The following PARD3 variants were observed in gnomAD, a reference collection of about 807,000 sequenced individuals.
PARD3 encodes par-3 family cell polarity regulator.
A neutral mutation model predicts 155.4 loss-of-function variants in PARD3; 75 were observed. The observed-to-expected ratio is 0.48, with a 90% CI of 0.40 to 0.58. The LOEUF (loss-of-function observed/expected upper bound fraction) is 0.58, where lower values mean the gene tolerates loss of function less well. PARD3 is among the 20% of genes least tolerant of loss of function. The probability of loss-of-function intolerance (pLI) is 0.00; values close to 1 mark genes in which losing one functional copy is unlikely to be tolerated. For synonymous variants in PARD3, 576 were observed against 610.5 expected, an observed-to-expected ratio of 0.94 and a Z score of 0.83; for missense variants, 1,642 against 1,721.7, an observed-to-expected ratio of 0.95 and a Z score of 0.82.
intron 22 of PARD3, among the ~76,000 whole-genome samples, chr10:34,176,991 GGGTGTGTGT>G (rs1240482067): frequency 6.6e-6 from 1 of 151,620 alleles, no homozygotes; most frequent in Non-Finnish European, 1.5e-5. Flanking sequence ...GTGTGTGTCG[GGGTGTGTGT>G]GGTGTGGTGT....
intron 1 of PARD3, among the ~76,000 whole-genome samples, chr10:34,787,006 C>T (rs1020284636): frequency 9.2e-5 from 14 of 152,112 alleles, no homozygotes; most frequent in Non-Finnish European, 8.8e-5. Flanking sequence ...GTCAAGTAAC[C>T]AGAAAACTGC....
intron 1 of PARD3, among the ~76,000 whole-genome samples, chr10:34,752,082 T>G (rs1201863069): frequency 6.6e-6 from 1 of 152,092 alleles, no homozygotes; most frequent in Admixed American, 6.5e-5. Context: ...CTTTTCTCAG[T>G]ACATGATAAT....
chr10:34,583,854 T>C (rs2087739614), intron 2 of PARD3, among the ~76,000 whole-genome samples: 2 of 152,274 alleles, frequency 1.3e-5, no homozygotes, highest in Admixed American at 1.3e-4. Flanking sequence ...GCTCCAATTT[T>C]TTTTTCCTAC....
At chr10:34,464,989 TG>T (rs2077914353) in intron 4 of PARD3, among the ~76,000 whole-genome samples, 1 of 152,180 alleles carries the variant, frequency 6.6e-6, no homozygotes, top group African/African-American at 2.4e-5. Flanking sequence ...TTACATAAAA[TG>T]GTGGACTACT....
At chr10:34,686,875 C>A (rs2093961352) in intron 2 of PARD3, among the ~76,000 whole-genome samples, 1 of 151,814 alleles carries the variant, frequency 6.6e-6, no homozygotes, top group African/African-American at 2.4e-5. Flanking sequence ...ATGGTGAAAC[C>A]CTGTCTCTAC....
intron 23 of PARD3, among the ~76,000 whole-genome samples, chr10:34,121,169 G>A (rs145624089): frequency 2.0e-5 from 3 of 152,322 alleles, no homozygotes; most frequent in African/African-American, 7.2e-5. Flanking sequence ...ATTACTGAAC[G>A]TGTATACCGC....
intron 2 of PARD3, among the ~76,000 whole-genome samples, chr10:34,693,919 C>G (rs2094115786): frequency 1.3e-5 from 2 of 152,102 alleles, no homozygotes. Context: ...CAAAAAACTA[C>G]TATTCAAGTC....
chr10:34,155,844 C>T (rs893756457), intron 22 of PARD3, among the ~76,000 whole-genome samples: 4 of 152,056 alleles, frequency 2.6e-5, no homozygotes, highest in South Asian at 2.1e-4. Context: ...TTGCTGGGAC[C>T]ACTGTATTCA....
intron 21 of PARD3, among the ~76,000 whole-genome samples, chr10:34,270,281 T>G (rs1478023671): frequency 6.6e-6 from 1 of 152,054 alleles, no homozygotes; most frequent in Admixed American, 6.5e-5. Context: ...TAGCAGGGAT[T>G]ACACGTGTGC....
At chr10:34,381,912 CAAAAAAAAAAAA>C (rs202053812) in intron 9 of PARD3, among the ~76,000 whole-genome samples, 78 of 71,878 alleles carry the variant, frequency 1.1e-3, no homozygotes, top group African/African-American at 3.6e-3. Flanking sequence ...GGCCCTGTCT[CAAAAAAAAAAAA>C]AAAAAAAAAA....
At chr10:34,760,138 T>C (rs986308026) in intron 1 of PARD3, among the ~76,000 whole-genome samples, 1 of 152,164 alleles carries the variant, frequency 6.6e-6, no homozygotes, top group Non-Finnish European at 1.5e-5. Flanking sequence ...TTTTTATGTC[T>C]CTGTGTAAAC....
At chr10:34,750,748 G>A (rs1307193047) in intron 1 of PARD3, among the ~76,000 whole-genome samples, 3 of 151,206 alleles carry the variant, frequency 2.0e-5, no homozygotes, top group Non-Finnish European at 4.4e-5. Context: ...GAGTGCAGTG[G>A]CACGATCTTG....
At chr10:34,752,628 T>C (rs1320429209) in intron 1 of PARD3, among the ~76,000 whole-genome samples, 1 of 151,848 alleles carries the variant, frequency 6.6e-6, no homozygotes, top group Non-Finnish European at 1.5e-5. Context: ...TCAAGTGTAA[T>C]CATTACATCA....
At chr10:34,337,178 T>C (rs371692843) in intron 17 of PARD3, 97 bp downstream of exon 17, 5 of 734,986 alleles carry the variant, frequency 6.8e-6, no homozygotes, top group Admixed American at 3.7e-5. Context: ...ATTTTCTCTA[T>C]TGCTCAAAGT....
chr10:34,362,035 T>C (rs983127757), intron 12 of PARD3, among the ~76,000 whole-genome samples: 1 of 152,138 alleles, frequency 6.6e-6, no homozygotes, highest in African/African-American at 2.4e-5. Flanking sequence ...CCCAGCACTT[T>C]GGGAGGCCGA....
chr10:34,544,190 AT>A (rs2083866104), intron 2 of PARD3, among the ~76,000 whole-genome samples: 1 of 152,246 alleles, frequency 6.6e-6, no homozygotes, highest in African/African-American at 2.4e-5. Flanking sequence ...TTGGAAAAAA[AT>A]GTTTAAGTGA....
Position 34,643,601 on chromosome 10 carries a change from A to G in PARD3, c.222+52717T>C, listed in dbSNP as rs543507866. ...AATTCAGAGCATTACACTTTAAAAC[A>G]GCATCACTTCTCATGTAAATCTAAA... On this transcript the variant is annotated intron_variant, in intron 2 of 24. Coordinates refer to ENST00000374788, the MANE Select transcript of PARD3 (RefSeq NM_001184785.2). Among the ~76,000 whole-genome samples the G allele has an allele frequency of 2.6e-5, 4 of 152,380 alleles. No homozygotes were observed. The South Asian group carries it at 8.3e-4, about 32-fold the overall frequency.
chr10:34,341,636 G>C lies in PARD3; in HGVS notation c.2399C>G (p.Ser800Ter). 1 of 1,611,692 alleles carries C rather than the reference G, an allele frequency of 6.2e-7. No individual in the cohort carries two copies. Among genetic ancestry groups the C allele is most frequent in the Non-Finnish European group, 8.5e-7 (1 of 1,179,062 alleles). Residue 800 changes from serine to a stop codon, truncating the protein, a stop_gained, in exon 16 of 25, where the codon TCA becomes TGA. Transcript: ENST00000374788. LOFTEE classifies it high-confidence loss of function. The stretch of plus-strand genomic sequence containing the variant: ...TGGACGATGAGCTTACCAGTCGGCT[G>C]AATCACTGATTGCAGCCTTGGCCCA... ...GTWAKAAISDSADCSLSPDVD... is the reference protein window; with the variant it reads ...GTWAKAAISD
At position 34,109,645 on chromosome 10, in the gene PARD3, G is replaced by C. The variant is rs1011814150; in HGVS notation, c.*1524C>G. The C allele has an allele frequency of 2.0e-5, 3 of 151,982 alleles. No individual in the cohort carries two copies. The highest frequency in any genetic ancestry group is 7.3e-5 in the African/African-American group (3 of 41,352). 9.4% of individuals were successfully genotyped at this position (151,982 alleles called of 1,614,324 possible). A position where few individuals can be genotyped will look rare whatever the true frequency, so the allele number is the denominator to read the frequency against. ...ACAGCTCAGGGGAGGCTGTGAGAAA[G>C]AGCCACTGTCATCCAAGGTCACTGC... On this transcript the variant is annotated 3_prime_UTR_variant, in exon 25 of 25. Transcript: ENST00000374788.
Sources: gnomAD v4.1 joint callset for allele counts (sites outside exome capture counted in the v4.1 genomes callset) on GRCh38, gnomAD v4.1.1 for gene constraint, MANE v1.5 for transcripts, NCBI Gene and HGNC (gene_info 2026-07-23, HGNC 2026-07-21) for gene names.